JARID2: variants seen among roughly 807,000 people sequenced by gnomAD.
JARID2 encodes the protein protein Jumonji.
JARID2 carries 21 observed loss-of-function variants against 125.6 expected under a neutral mutation model. The ratio of observed to expected loss-of-function variants is 0.17; its 90% CI spans 0.12 to 0.24. The LOEUF (loss-of-function observed/expected upper bound fraction) is 0.24. JARID2 is among the 10% of genes least tolerant of loss of function. The pLI, the probability that JARID2 is intolerant of heterozygous loss-of-function variation, is 1.00. For missense variants in JARID2, 1,303 were observed against 1,639.6 expected, an observed-to-expected ratio of 0.79 and a Z score of 3.55; for synonymous variants, 736 against 661.6, an observed-to-expected ratio of 1.11 and a Z score of -1.73.
chr6:15,432,816 GTTAAAAGCTAC>G (rs1416520427), intron 3 of JARID2, among the ~76,000 whole-genome samples: 1 of 152,218 alleles, frequency 6.6e-6, no homozygotes, highest in Admixed American at 6.5e-5. Flanking sequence ...TATCTAAGCT[GTTAAAAGCTAC>G]TTAAAAGTGT....
intron 1 of JARID2, among the ~76,000 whole-genome samples, chr6:15,320,058 A>G (rs1264003570): frequency 7.2e-5 from 11 of 152,192 alleles, no homozygotes; most frequent in Admixed American, 7.2e-4. Context: ...GAACCTGATT[A>G]CTTTTATCTT....
chr6:15,443,771 C>CT (rs1767545566), intron 3 of JARID2, among the ~76,000 whole-genome samples: 1 of 152,018 alleles, frequency 6.6e-6, no homozygotes, highest in South Asian at 2.1e-4. Context: ...CTTAGCTTCC[C>CT]TTTTTAAAAT....
At chr6:15,264,005 C>T (rs1270809390) in intron 1 of JARID2, among the ~76,000 whole-genome samples, 2 of 152,192 alleles carry the variant, frequency 1.3e-5, no homozygotes, top group African/African-American at 4.8e-5. Context: ...GCGATCCTCC[C>T]ACCTCACCCT....
intron 2 of JARID2, among the ~76,000 whole-genome samples, chr6:15,387,429 G>GT (rs1764828980): frequency 6.6e-6 from 1 of 152,158 alleles, no homozygotes; most frequent in South Asian, 2.1e-4. Flanking sequence ...CTGGGTTCCT[G>GT]TTGAGTGCCC....
At chr6:15,499,341 G>A (rs1770616350) in intron 7 of JARID2, among the ~76,000 whole-genome samples, 1 of 152,210 alleles carries the variant, frequency 6.6e-6, no homozygotes, top group Non-Finnish European at 1.5e-5. Flanking sequence ...GTGGGGAAGG[G>A]GCTCGGCCAC....
At chr6:15,269,564 AT>A (rs1159831324) in intron 1 of JARID2, among the ~76,000 whole-genome samples, 11 of 143,006 alleles carry the variant, frequency 7.7e-5, no homozygotes, top group South Asian at 4.7e-4. Flanking sequence ...AGAGATGGCT[AT>A]TTTAAAATTT....
chr6:15,357,117 G>T (rs1763629177), intron 1 of JARID2, among the ~76,000 whole-genome samples: 2 of 152,158 alleles, frequency 1.3e-5, no homozygotes, highest in African/African-American at 4.8e-5. Flanking sequence ...ACCATCTCTA[G>T]GGAACGAAGC....
Position 15,511,302 on chromosome 6 carries a change from C to T in JARID2, c.2853C>T (p.Cys951=), listed in dbSNP as rs1357986446. 37 of 1,609,894 alleles carry T rather than the reference C, an allele frequency of 2.3e-5. No individual in the cohort carries two copies. The highest frequency in any genetic ancestry group is 3.1e-5 in the Non-Finnish European group (37 of 1,176,290). ...GTGTCTCTCAATGACCCAGGTATTGCATTCCTGCTGAGGAGGAGAACAAGC... is the reference window on the plus strand; with the variant it reads ...GTGTCTCTCAATGACCCAGGTATTGTATTCCTGCTGAGGAGGAGAACAAGC... ...LHTGADCIWY[C]IPAEEENKLE... is the part of the protein sequence containing the mutation. The change falls in exon 13 of 18, where the codon TGC becomes TGT. Residue 951 remains cysteine (C), a synonymous_variant. Transcript: ENST00000341776.
intron 1 of JARID2, among the ~76,000 whole-genome samples, chr6:15,282,104 G>C (rs540406653): frequency 6.6e-6 from 1 of 151,976 alleles, no homozygotes. Flanking sequence ...CATCATGCTC[G>C]ACCAATTTCT....
chr6:15,346,142 C>A (rs2127475031), intron 1 of JARID2, among the ~76,000 whole-genome samples: 1 of 152,310 alleles, frequency 6.6e-6, no homozygotes, highest in South Asian at 2.1e-4. Context: ...ATTAAAGCAT[C>A]TATTTGGTGA....
chr6:15,258,891 A>G (rs534630582), intron 1 of JARID2, among the ~76,000 whole-genome samples: 1 of 152,322 alleles, frequency 6.6e-6, no homozygotes, highest in South Asian at 2.1e-4. Context: ...TGAAGAGGAA[A>G]CTGTTTCTGG....
intron 1 of JARID2, among the ~76,000 whole-genome samples, chr6:15,294,989 C>A (rs554878166): frequency 1.3e-5 from 2 of 152,006 alleles, no homozygotes; most frequent in South Asian, 4.1e-4. Context: ...CCTATAAATC[C>A]AAATTCAAGA....
intron 1 of JARID2, among the ~76,000 whole-genome samples, chr6:15,279,516 T>C (rs1012069770): frequency 2.0e-5 from 3 of 152,206 alleles, no homozygotes; most frequent in East Asian, 1.9e-4. Context: ...CCCAGGTGTA[T>C]TACTCTTTAT....
At chr6:15,257,718 C>T (rs1444571067) in intron 1 of JARID2, among the ~76,000 whole-genome samples, 1 of 152,112 alleles carries the variant, frequency 6.6e-6, no homozygotes, top group Non-Finnish European at 1.5e-5. Context: ...ATTTACAGTC[C>T]CACAGGTAGT....
At chr6:15,403,000 G>A (rs1359862059) in intron 2 of JARID2, among the ~76,000 whole-genome samples, 11 of 152,178 alleles carry the variant, frequency 7.2e-5, no homozygotes, top group African/African-American at 2.4e-4. Context: ...TTATAATTCA[G>A]TCATTATTAT....
Position 15,421,143 on chromosome 6 carries a change from C to T in JARID2, c.323+10778C>T, listed in dbSNP as rs149417083. Among the ~76,000 whole-genome samples the T allele has an allele frequency of 7.2e-5, 11 of 152,232 alleles. No homozygotes were observed. In the East Asian group the frequency reaches 1.5e-3, roughly 21 times the overall value. On this transcript the variant is annotated intron_variant, in intron 3 of 17. Transcript: ENST00000341776. ...CTTGCCCTTTCCGTAACTGCTGCAG[C>T]CTGGACATTCTCTCAGGGCAGTGAG... is the stretch of plus-strand genomic sequence containing the variant.
chr6:15,430,615 A>G (rs1766928426), intron 3 of JARID2, among the ~76,000 whole-genome samples: 2 of 152,180 alleles, frequency 1.3e-5, no homozygotes, highest in Admixed American at 1.3e-4. Context: ...CTAAGCAAGC[A>G]TTGGGTCGGG....
chr6:15,277,913 G>A (rs1018673421), intron 1 of JARID2, among the ~76,000 whole-genome samples: 3 of 151,854 alleles, frequency 2.0e-5, no homozygotes, highest in South Asian at 4.2e-4. Flanking sequence ...ACACACTGTT[G>A]GAGTATGCTG....
At chr6:15,262,372 CT>C (rs1759916962) in intron 1 of JARID2, among the ~76,000 whole-genome samples, 1 of 151,718 alleles carries the variant, frequency 6.6e-6, no homozygotes, top group Admixed American at 6.6e-5. Flanking sequence ...GACTTTGTGT[CT>C]TGTGTCTTTT....
Sources: gnomAD v4.1 joint callset for allele counts (sites outside exome capture counted in the v4.1 genomes callset) on GRCh38, gnomAD v4.1.1 for gene constraint, MANE v1.5 for transcripts, NCBI Gene and HGNC (gene_info 2026-07-23, HGNC 2026-07-21) for gene names.